The following SLIT2 variants were observed in gnomAD, a reference collection of about 807,000 sequenced individuals.
SLIT2 encodes the protein slit guidance ligand 2, also known as slit homolog 2 protein.
A neutral mutation model predicts 185.7 loss-of-function variants in SLIT2; 41 were observed. The observed-to-expected ratio is 0.22, with a 90% confidence interval of 0.17 to 0.29. The LOEUF is 0.29. SLIT2 is among the 10% of genes least tolerant of loss of function. The pLI is 1.00. For synonymous variants in SLIT2, 693 were observed against 680.2 expected (o/e 1.02, Z -0.29); for missense variants, 1,571 against 1,909.0 (o/e 0.82, Z 3.30).
chr4:20,253,666 C>T lies in SLIT2; in HGVS notation c.-150C>T. The T allele has an allele frequency of 1.1e-6, 1 of 898,014 alleles. No homozygotes were observed. 55.6% of individuals were successfully genotyped at this position (898,014 alleles called of 1,614,324 possible). A position where few individuals can be genotyped will look rare whatever the true frequency, so the allele number is the denominator to read the frequency against. ...CGTGTGCCTGAGTGGGCTCTACTGC[C>T]TTGTTCCATATTATTTGGTGCACAT... is the stretch of plus-strand genomic sequence containing the variant. On this transcript the variant is annotated 5_prime_UTR_variant, in exon 1 of 37. Coordinates refer to ENST00000504154, the MANE Select transcript of SLIT2 (RefSeq NM_004787.4).
intron 4 of SLIT2, among the ~76,000 whole-genome samples, chr4:20,344,922 T>G (rs1721265378): frequency 6.6e-6 from 1 of 152,192 alleles, no homozygotes; most frequent in African/African-American, 2.4e-5. Context: ...AGAACATGCT[T>G]AATTTTAAAT....
intron 4 of SLIT2, among the ~76,000 whole-genome samples, chr4:20,441,001 G>A (rs532802486): frequency 2.5e-4 from 37 of 150,936 alleles, no homozygotes; most frequent in African/African-American, 8.8e-4. Flanking sequence ...TTATCTTTCT[G>A]TTACCAAGAC....
intron 3 of SLIT2, among the ~76,000 whole-genome samples, chr4:20,262,370 T>C (rs1488656384): frequency 2.0e-5 from 3 of 151,812 alleles, no homozygotes; most frequent in Admixed American, 2.0e-4. Flanking sequence ...AGAGAATATG[T>C]TGTGGAACAG....
At chr4:20,417,611 T>C (rs1456191517) in intron 4 of SLIT2, among the ~76,000 whole-genome samples, 1 of 151,676 alleles carries the variant, frequency 6.6e-6, no homozygotes, top group Non-Finnish European at 1.5e-5. Context: ...AGCCTCTGCC[T>C]CCTAAGTTCA....
At chr4:20,435,197 A>C (rs1729266802) in intron 4 of SLIT2, among the ~76,000 whole-genome samples, 1 of 152,164 alleles carries the variant, frequency 6.6e-6, no homozygotes, top group Non-Finnish European at 1.5e-5. Context: ...TGTATGTGCA[A>C]CCTTTTGCTA....
rs546544411 is a variant in SLIT2 at position 20,569,771 on chromosome 4, A to G, written c.3088+767A>G. On this transcript the variant is annotated intron_variant, in intron 29 of 36. Transcript: ENST00000504154. Reference sequence around the variant, plus strand: ...TGTACATTTTATTTGTAAGAAAAAAAATGGAGAAGTAATTTTGATCACTCT... The same window carrying G: ...TGTACATTTTATTTGTAAGAAAAAAGATGGAGAAGTAATTTTGATCACTCT... Among the ~76,000 whole-genome samples the G allele has an allele frequency of 9.2e-5, 14 of 152,226 alleles. No homozygotes were observed. In the South Asian group the frequency reaches 1.4e-3, roughly 16 times the overall value.
At chr4:20,443,648 A>G (rs1353707047) in intron 4 of SLIT2, among the ~76,000 whole-genome samples, 2 of 150,076 alleles carry the variant, frequency 1.3e-5, no homozygotes, top group East Asian at 3.9e-4. Flanking sequence ...CTTTATAACA[A>G]TGATTACCTT....
At chr4:20,389,637 C>G (rs1725259103) in intron 4 of SLIT2, among the ~76,000 whole-genome samples, 1 of 151,682 alleles carries the variant, frequency 6.6e-6, no homozygotes, top group Admixed American at 6.6e-5. Flanking sequence ...GGGCCAGACA[C>G]TCACTTTTTT....
intron 9 of SLIT2, among the ~76,000 whole-genome samples, chr4:20,505,047 C>T (rs1030765409): frequency 2.6e-5 from 4 of 151,926 alleles, no homozygotes; most frequent in African/African-American, 9.7e-5. Context: ...ACCATATATG[C>T]TGTAGACTTT....
rs568601569 is a variant in SLIT2 at position 20,356,135 on chromosome 4, G to A, written c.395+87254G>A. Among the ~76,000 whole-genome samples, 76 of 152,176 alleles carry A rather than the reference G, an allele frequency of 5.0e-4. No individual in the cohort carries two copies. In the South Asian group the frequency reaches 0.015, roughly 29 times the overall value. On this transcript the variant is annotated intron_variant, in intron 4 of 36. Transcript: ENST00000504154. ...TTGGGATGCCATTCAGTAACTTGAA[G>A]TTATTAAATGAAGCATAATCAATAT...
intron 29 of SLIT2, among the ~76,000 whole-genome samples, chr4:20,581,124 C>T (rs1315232061): frequency 1.3e-5 from 2 of 152,136 alleles, no homozygotes; most frequent in African/African-American, 4.8e-5. Flanking sequence ...TCTTACAGTT[C>T]TGGAGGCTAG....
rs578102056 is a variant in SLIT2 at position 20,469,090 on chromosome 4, T to G, written c.467+1267T>G. Reference sequence around the variant, plus strand: ...TTTATGGGTGCTCAATTTAATATGATTTTATTTGCTTTCTTTTTACTTTTG... The same window carrying G: ...TTTATGGGTGCTCAATTTAATATGAGTTTATTTGCTTTCTTTTTACTTTTG... On this transcript the variant is annotated intron_variant, in intron 5 of 36. Transcript: ENST00000504154. 7.2e-5 allele frequency among the ~76,000 whole-genome samples: 11 copies of G among 152,280 alleles called. No individual in the cohort carries two copies. The South Asian group carries it at 2.3e-3, about 32-fold the overall frequency.
chr4:20,477,199 T>C (rs1716211688), intron 5 of SLIT2, among the ~76,000 whole-genome samples: 1 of 151,420 alleles, frequency 6.6e-6, no homozygotes, highest in South Asian at 2.1e-4. Flanking sequence ...ATCATGATTT[T>C]TTTTTTTTTT....
intron 4 of SLIT2, among the ~76,000 whole-genome samples, chr4:20,269,565 A>T (rs139786865): frequency 6.6e-6 from 1 of 152,024 alleles, no homozygotes; most frequent in Non-Finnish European, 1.5e-5. Context: ...GAAAGCATTT[A>T]AAATGAGATT....
intron 4 of SLIT2, among the ~76,000 whole-genome samples, chr4:20,459,031 A>G (rs1713399122): frequency 6.6e-6 from 1 of 152,222 alleles, no homozygotes; most frequent in Non-Finnish European, 1.5e-5. Flanking sequence ...AAGAAGTGCT[A>G]GGATCAAGAC....
At chr4:20,392,766 T>A (rs1237497750) in intron 4 of SLIT2, among the ~76,000 whole-genome samples, 2 of 152,102 alleles carry the variant, frequency 1.3e-5, no homozygotes, top group African/African-American at 4.8e-5. Context: ...CACAGGATCA[T>A]CAATATCACT....
rs150326930 is a variant in SLIT2, at chr4:20,443,800, A to G, written c.396-23952A>G. Among the ~76,000 whole-genome samples the G allele has an allele frequency of 5.3e-5, 8 of 152,264 alleles. No individual in the cohort carries two copies. The East Asian group carries it at 9.7e-4, about 18-fold the overall frequency. The stretch of plus-strand genomic sequence containing the variant: ...TTAATAACTTCTGAAGAGCCTCATC[A>G]TGTAATAATTTCCCTGGAGAAGAAG... On this transcript the variant is annotated intron_variant, in intron 4 of 36. Transcript: ENST00000504154.
intron 4 of SLIT2, among the ~76,000 whole-genome samples, chr4:20,280,784 TG>T (rs1714672541): frequency 6.6e-6 from 1 of 152,038 alleles, no homozygotes; most frequent in African/African-American, 2.4e-5. Flanking sequence ...ACATTTTGAA[TG>T]GCTTTGCTAT....
chr4:20,286,796 C>T (rs981902873), intron 4 of SLIT2, among the ~76,000 whole-genome samples: 5 of 152,184 alleles, frequency 3.3e-5, no homozygotes, highest in Non-Finnish European at 7.3e-5. Flanking sequence ...AGCAAGACTT[C>T]ATCTCTAAGT....
Sources: allele counts gnomAD v4.1 joint callset (sites outside exome capture counted in the v4.1 genomes callset), GRCh38; gene constraint gnomAD v4.1.1; transcripts MANE v1.5; gene names NCBI Gene and HGNC (gene_info 2026-07-23, HGNC 2026-07-21).